NAALADL2: variants seen among roughly 807,000 people sequenced by gnomAD.
NAALADL2 encodes the protein inactive N-acetylated-alpha-linked acidic dipeptidase-like protein 2.
In NAALADL2, 76 loss-of-function variants were observed where a neutral mutation model predicts 87.2. The observed-to-expected ratio is 0.87, with a 90% CI of 0.72 to 1.05. The LOEUF (loss-of-function observed/expected upper bound fraction) is 1.05. NAALADL2 is among the 50% of genes least tolerant of loss of function. The pLI, the probability that NAALADL2 is intolerant of heterozygous loss-of-function variation, is 0.00. For synonymous variants in NAALADL2, 354 were observed against 331.0 expected (o/e 1.07, Z -0.75); for missense variants, 1,089 against 945.8 (o/e 1.15, Z -1.99).
At chr3:175,185,622 T>A (rs1170253063) in intron 2 of NAALADL2, among the ~76,000 whole-genome samples, 6 of 151,712 alleles carry the variant, frequency 4.0e-5, no homozygotes, top group African/African-American at 1.4e-4. Flanking sequence ...ATATTAAATC[T>A]AGAATAGTGG....
At position 175,100,018 on chromosome 3, in the gene NAALADL2, G is replaced by A. The variant is rs188063922; in HGVS notation, c.545+2727G>A. On this transcript the variant is annotated intron_variant, in intron 2 of 13. Coordinates refer to ENST00000454872, the MANE Select transcript of NAALADL2 (RefSeq NM_207015.3). ...ATTTATACAAAATATTATGAACATA[G>A]TATTTATATTATATGATATAATTAT... is the stretch of plus-strand genomic sequence containing the variant. Among the ~76,000 whole-genome samples, 43 of 150,450 alleles carry A rather than the reference G, an allele frequency of 2.9e-4. 1 individual carries two copies. The East Asian group carries it at 7.7e-3, about 27-fold the overall frequency.
chr3:175,229,258 A>G (rs1422994637), intron 2 of NAALADL2, among the ~76,000 whole-genome samples: 1 of 151,980 alleles, frequency 6.6e-6, no homozygotes, highest in Non-Finnish European at 1.5e-5. Flanking sequence ...AGATATAATA[A>G]AACCTTAATT....
At chr3:175,300,114 G>A (rs750376691) in intron 4 of NAALADL2, among the ~76,000 whole-genome samples, 11 of 152,148 alleles carry the variant, frequency 7.2e-5, no homozygotes, top group Non-Finnish European at 1.6e-4. Context: ...TGCTGAACCA[G>A]CCTTGCATCC....
rs553037472 is a variant in NAALADL2 at position 175,197,791 on chromosome 3, C to T, written c.546-36140C>T. 3.5e-4 allele frequency among the ~76,000 whole-genome samples: 53 copies of T among 151,934 alleles called. 1 individual carries two copies. In the East Asian group the frequency reaches 0.01, roughly 29 times the overall value. ...TTTACATGGGAGGTGTCAGGAAGCT[C>T]TTATAGAGAAGTATGGAATTGAGAG... On this transcript the variant is annotated intron_variant, in intron 2 of 13. Transcript: ENST00000454872.
At chr3:174,921,789 A>G (rs1167212376) in intron 1 of NAALADL2, among the ~76,000 whole-genome samples, 1 of 146,896 alleles carries the variant, frequency 6.8e-6, no homozygotes, top group Non-Finnish European at 1.5e-5. Context: ...TGGGCAACAG[A>G]GCAAGACTCC....
At chr3:174,605,251 G>T (rs1411750661) in intron 2 of NAALADL2, among the ~76,000 whole-genome samples, 1 of 152,202 alleles carries the variant, frequency 6.6e-6, no homozygotes, top group Non-Finnish European at 1.5e-5. Context: ...GAAGACGGGT[G>T]ATTTCTGCAT....
chr3:175,442,902 C>T (rs1163522285), intron 5 of NAALADL2, among the ~76,000 whole-genome samples: 5 of 152,214 alleles, frequency 3.3e-5, no homozygotes, highest in African/African-American at 4.8e-5. Flanking sequence ...TCCTTTCTTT[C>T]GAGGCACATA....
At chr3:175,697,703 T>G (rs1738039154) in intron 11 of NAALADL2, among the ~76,000 whole-genome samples, 1 of 144,946 alleles carries the variant, frequency 6.9e-6, no homozygotes, top group African/African-American at 2.5e-5. Context: ...TTATTAAATT[T>G]ATTATTATTT....
intron 10 of NAALADL2, among the ~76,000 whole-genome samples, chr3:175,600,489 C>T (rs1370312579): frequency 1.6e-5 from 2 of 122,816 alleles, no homozygotes; most frequent in Non-Finnish European, 1.7e-5. Context: ...GGTGTCTGTA[C>T]TTCATTTGCC....
At chr3:174,806,884 A>G (rs780582782) in intron 3 of NAALADL2, among the ~76,000 whole-genome samples, 8 of 152,190 alleles carry the variant, frequency 5.3e-5, no homozygotes, top group Non-Finnish European at 1.2e-4. Flanking sequence ...ATATAATCAG[A>G]TAAGATTATT....
intron 3 of NAALADL2, among the ~76,000 whole-genome samples, chr3:174,791,913 A>C (rs1423578215): frequency 1.3e-5 from 2 of 152,130 alleles, no homozygotes; most frequent in African/African-American, 4.8e-5. Context: ...TTGTTGAGTG[A>C]AATATATATA....
At chr3:174,712,205 T>G (rs1260853680) in intron 2 of NAALADL2, among the ~76,000 whole-genome samples, 1 of 152,132 alleles carries the variant, frequency 6.6e-6, no homozygotes, top group Non-Finnish European at 1.5e-5. Flanking sequence ...ATCTTAAAAC[T>G]ACTTTGAGAA....
intron 2 of NAALADL2, among the ~76,000 whole-genome samples, chr3:174,714,675 TATCAGCTTA>T (rs1244710267): frequency 4.6e-5 from 7 of 152,228 alleles, no homozygotes; most frequent in Admixed American, 4.6e-4. Flanking sequence ...TGAAGTTGCT[TATCAGCTTA>T]AGGAGGTTTT....
intron 1 of NAALADL2, among the ~76,000 whole-genome samples, chr3:174,939,191 G>A (rs1738195072): frequency 6.6e-6 from 1 of 152,036 alleles, no homozygotes; most frequent in African/African-American, 2.4e-5. Context: ...TGTATATGGT[G>A]TAAGATGTCC....
chr3:175,426,143 C>A (rs540753750), intron 5 of NAALADL2, among the ~76,000 whole-genome samples: 82 of 152,272 alleles, frequency 5.4e-4, no homozygotes, highest in Admixed American at 2.2e-3. Flanking sequence ...GCGGGCGGAT[C>A]ACTTAAGGTC....
chr3:175,790,129 T>C (rs1480825864), intron 13 of NAALADL2, among the ~76,000 whole-genome samples: 1 of 152,176 alleles, frequency 6.6e-6, no homozygotes, highest in Non-Finnish European at 1.5e-5. Context: ...CCTTTTTCTC[T>C]TCATTTTGAT....
intron 10 of NAALADL2, among the ~76,000 whole-genome samples, chr3:175,584,345 T>C (rs1720232197): frequency 6.6e-6 from 1 of 151,106 alleles, no homozygotes; most frequent in Non-Finnish European, 1.5e-5. Context: ...CCTACTGTTA[T>C]CACTTTTATT....
At chr3:174,874,051 G>C (rs1728181248) in intron 1 of NAALADL2, among the ~76,000 whole-genome samples, 1 of 151,990 alleles carries the variant, frequency 6.6e-6, no homozygotes. Flanking sequence ...TGTTTTTCCT[G>C]GGCTGGCATA....
intron 9 of NAALADL2, among the ~76,000 whole-genome samples, chr3:175,516,643 G>A (rs1393432339): frequency 6.6e-6 from 1 of 152,158 alleles, no homozygotes; most frequent in African/African-American, 2.4e-5. Context: ...AAAATACCGT[G>A]AGGAGTATCT....
Sources: allele counts gnomAD v4.1 joint callset (sites outside exome capture counted in the v4.1 genomes callset), GRCh38; gene constraint gnomAD v4.1.1; transcripts MANE v1.5; gene names NCBI Gene and HGNC (gene_info 2026-07-23, HGNC 2026-07-21).